Variants in SLC10A6 observed in about 807,000 individuals in gnomAD.
The protein encoded by SLC10A6 is sodium-dependent organic anion transporter.
A neutral mutation model predicts 30.0 loss-of-function variants in SLC10A6; 27 were observed. That is an observed-to-expected ratio of 0.90 (90% CI 0.66 to 1.24). The LOEUF (loss-of-function observed/expected upper bound fraction) is 1.24, where lower values mean the gene tolerates loss of function less well. Ranked by LOEUF, SLC10A6 falls within the 50% of genes most tolerant of loss-of-function variation. The pLI is 0.00. For missense variants in SLC10A6, 439 were observed against 457.0 expected (o/e 0.96, Z 0.36); for synonymous variants, 166 against 173.8 (o/e 0.95, Z 0.36).
chr4:86,837,312 A>AG (rs1560460437), intron 1 of SLC10A6, among the ~76,000 whole-genome samples: 5 of 144,870 alleles, frequency 3.5e-5, no homozygotes, highest in Admixed American at 1.4e-4. Context: ...GAAGGAAGGA[A>AG]GGAAGGAAGG....
intron 1 of SLC10A6, among the ~76,000 whole-genome samples, chr4:86,842,697 C>CAAAAA (rs560403282): frequency 1.7e-5 from 1 of 59,748 alleles, no homozygotes; most frequent in East Asian, 3.0e-4. Context: ...GACCCTGTCT[C>CAAAAA]AAAAAAAAAA....
intron 3 of SLC10A6, among the ~76,000 whole-genome samples, chr4:86,828,732 A>T (rs1331228029): frequency 6.6e-6 from 1 of 152,170 alleles, no homozygotes; most frequent in Non-Finnish European, 1.5e-5. Flanking sequence ...ATACTGATGG[A>T]GACCTCTATC....
At chr4:86,824,428 A>G (rs979122752) in intron 5 of SLC10A6, among the ~76,000 whole-genome samples, 5 of 152,178 alleles carry the variant, frequency 3.3e-5, no homozygotes, top group Non-Finnish European at 5.9e-5. Flanking sequence ...TTATATCTGT[A>G]ATCAGTATAT....
intron 1 of SLC10A6, among the ~76,000 whole-genome samples, chr4:86,839,532 T>A (rs1215682339): frequency 6.6e-6 from 1 of 152,180 alleles, no homozygotes; most frequent in Non-Finnish European, 1.5e-5. Flanking sequence ...ATCACAGACA[T>A]CCTCTCAGAC....
chr4:86,841,674 T>A (rs1746292803), intron 1 of SLC10A6, among the ~76,000 whole-genome samples: 1 of 152,204 alleles, frequency 6.6e-6, no homozygotes, highest in Non-Finnish European at 1.5e-5. Context: ...ACACATTACA[T>A]TAAAATGCAG....
chr4:86,848,354 CCA>C (rs1746426964), intron 1 of SLC10A6, among the ~76,000 whole-genome samples: 1 of 152,170 alleles, frequency 6.6e-6, no homozygotes, highest in African/African-American at 2.4e-5. Flanking sequence ...ACTGACACAA[CCA>C]CGACGGCTGC....
intron 2 of SLC10A6, 143 bp downstream of exon 2, chr4:86,833,163 A>G (rs1362270934): frequency 2.5e-5 from 14 of 566,494 alleles, no homozygotes; most frequent in Admixed American, 1.2e-4. Context: ...CTGGTAACAG[A>G]ATCTATACTG....
rs79120355 is a variant in SLC10A6 at position 86,841,152 on chromosome 4, C to T, written c.377+7587G>A. Among the ~76,000 whole-genome samples, 544 of 152,330 alleles carry T rather than the reference C, an allele frequency of 3.6e-3. 1 individual carries two copies. The highest frequency in any genetic ancestry group is 0.012 in the African/African-American group (515 of 41,570). ...TCTGGAGAACCAGCACAACATTTCT[C>T]TACTGAATGGCTTTGGCTCAAACAG... On this transcript the variant is annotated intron_variant, in intron 1 of 5. Transcript: ENST00000273905.
At chr4:86,840,370 T>C (rs1441570763) in intron 1 of SLC10A6, among the ~76,000 whole-genome samples, 1 of 152,128 alleles carries the variant, frequency 6.6e-6, no homozygotes, top group Non-Finnish European at 1.5e-5. Flanking sequence ...ATAATACAAG[T>C]ATTTTTTCCA....
rs775755755 is a variant in SLC10A6, at chr4:86,834,795, AT to A, written c.378-1372del. ...CAGGCTGTACAAGCATGGTTCCAGC[AT>A]GTGCTCCTGGTAAGGACCTCAGGAA... On this transcript the variant is annotated intron_variant, in intron 1 of 5. Coordinates refer to ENST00000273905, the MANE Select transcript of SLC10A6 (RefSeq NM_197965.3). Among the ~76,000 whole-genome samples the A allele has an allele frequency of 4.6e-5, 7 of 152,284 alleles. No homozygotes were observed. In the East Asian group the frequency reaches 1.2e-3, roughly 25 times the overall value.
chr4:86,826,673 C>A (rs1746005963), intron 4 of SLC10A6, among the ~76,000 whole-genome samples: 1 of 152,270 alleles, frequency 6.6e-6, no homozygotes, highest in Admixed American at 6.5e-5. Context: ...TTGCTTTCTA[C>A]TTTTCTATAC....
rs752864827 is a variant in SLC10A6 at position 86,833,431 on chromosome 4, G to A, written c.378-7C>T. 2.6e-5 allele frequency: 41 copies of A among 1,599,634 alleles called. No individual in the cohort carries two copies. Among genetic ancestry groups the A allele is most frequent in the South Asian group, 9.9e-5 (9 of 90,752 alleles). The stretch of plus-strand genomic sequence containing the variant: ...ACAGGTTGTCATACTGATGCTGAAA[G>A]TAAAATTAATACAATGCTTAGGAGG... On this transcript the variant is annotated splice_polypyrimidine_tract_variant and splice_region_variant and intron_variant, in intron 1 of 5. Transcript: ENST00000273905.
chr4:86,844,294 G>C (rs1746357221), intron 1 of SLC10A6, among the ~76,000 whole-genome samples: 2 of 152,192 alleles, frequency 1.3e-5, no homozygotes, highest in Non-Finnish European at 2.9e-5. Flanking sequence ...GCTGTTTCCA[G>C]AGCCCTTAAC....
chr4:86,829,282 A>G (rs1054776046), intron 3 of SLC10A6, among the ~76,000 whole-genome samples: 1 of 152,128 alleles, frequency 6.6e-6, no homozygotes, highest in Non-Finnish European at 1.5e-5. Flanking sequence ...GTGGTGACAC[A>G]TGCCTGTAAT....
intron 1 of SLC10A6, among the ~76,000 whole-genome samples, chr4:86,842,415 G>A (rs961995125): frequency 2.0e-5 from 3 of 152,206 alleles, no homozygotes; most frequent in South Asian, 2.1e-4. Context: ...GAGGCCAGGC[G>A]TAAGTGGCCC....
intron 1 of SLC10A6, among the ~76,000 whole-genome samples, chr4:86,835,598 C>T (rs1337754735): frequency 2.6e-5 from 4 of 151,688 alleles, no homozygotes; most frequent in Non-Finnish European, 5.9e-5. Context: ...ACCCAGGAGG[C>T]GGAGGTTGCA....
At chr4:86,837,721 G>A (rs1746225202) in intron 1 of SLC10A6, 4 of 672,270 alleles carry the variant, frequency 5.9e-6, no homozygotes, top group Non-Finnish European at 7.4e-6. Flanking sequence ...GAAAATAAAT[G>A]GAAAGAAGAT....
At position 86,823,904 on chromosome 4, in the gene SLC10A6, T is replaced by C; in HGVS notation, c.920-2A>G. ...ATCTCCTCTTGTACGTCTGATATGC[T>C]AGGTGTTAAAACATACAAGTATTAA... On this transcript the variant is annotated splice_acceptor_variant, in intron 5 of 5. Coordinates refer to ENST00000273905, the MANE Select transcript of SLC10A6 (RefSeq NM_197965.3). LOFTEE classifies it high-confidence loss of function. 6.2e-7 allele frequency: 1 copy of C among 1,602,506 alleles called. No homozygotes were observed. The highest frequency in any genetic ancestry group is 1.3e-5 in the African/African-American group (1 of 74,774).
chr4:86,840,306 ACTT>A (rs1001299993), intron 1 of SLC10A6, among the ~76,000 whole-genome samples: 43 of 152,108 alleles, frequency 2.8e-4, no homozygotes, highest in African/African-American at 9.9e-4. Context: ...TGCTTGTCAG[ACTT>A]CTTCTCAACT....
Sources: allele counts gnomAD v4.1 joint callset (sites outside exome capture counted in the v4.1 genomes callset), GRCh38; gene constraint gnomAD v4.1.1; transcripts MANE v1.5; gene names NCBI Gene and HGNC (gene_info 2026-07-23, HGNC 2026-07-21).